The following ROBO1 variants were observed in gnomAD, a reference collection of about 807,000 sequenced individuals.
The protein encoded by ROBO1 is roundabout guidance receptor 1.
In ROBO1, 149 loss-of-function variants were observed where a neutral mutation model predicts 195.9. The observed-to-expected ratio is 0.76, with a 90% confidence interval of 0.67 to 0.87. The LOEUF is 0.87. Among genes scored for constraint, ROBO1 ranks in the 40% least tolerant of loss-of-function variants. The pLI is 0.00. For synonymous variants in ROBO1, 816 were observed against 733.2 expected (o/e 1.11, Z -1.82); for missense variants, 1,933 against 2,068.3 (o/e 0.93, Z 1.27).
intron 5 of ROBO1, among the ~76,000 whole-genome samples, chr3:78,719,645 C>A (rs957018769): frequency 6.6e-6 from 1 of 152,054 alleles, no homozygotes; most frequent in African/African-American, 2.4e-5. Flanking sequence ...TTTAAATGTT[C>A]AAGAAATTTT....
chr3:78,778,135 T>C (rs2083561944), intron 4 of ROBO1, among the ~76,000 whole-genome samples: 1 of 152,208 alleles, frequency 6.6e-6, no homozygotes. Context: ...ATGGATTATA[T>C]TTATTGATTT....
At chr3:79,543,381 G>C (rs1942148253) in intron 2 of ROBO1, among the ~76,000 whole-genome samples, 3 of 151,786 alleles carry the variant, frequency 2.0e-5, no homozygotes, top group Non-Finnish European at 4.4e-5. Context: ...AAGTTGATTT[G>C]TGTTGCCTTG....
intron 4 of ROBO1, among the ~76,000 whole-genome samples, chr3:78,905,904 G>A (rs575258686): frequency 4.6e-4 from 70 of 152,128 alleles, no homozygotes; most frequent in African/African-American, 1.5e-3. Flanking sequence ...ATCTAAGTAC[G>A]TCTGACTTTA....
At chr3:78,668,455 C>G in intron 12 of ROBO1, 29 bp downstream of exon 12, 3 of 1,612,072 alleles carry the variant, frequency 1.9e-6, no homozygotes, top group Non-Finnish European at 2.5e-6. Context: ...TTAAGCTTCA[C>G]TTTAAGGGAA....
At chr3:78,685,429 G>A (rs942516798) in intron 10 of ROBO1, among the ~76,000 whole-genome samples, 1 of 151,220 alleles carries the variant, frequency 6.6e-6, no homozygotes, top group African/African-American at 2.4e-5. Flanking sequence ...AGAAGAGATG[G>A]CAATTTACAC....
chr3:79,620,937 G>T (rs552148832), intron 1 of ROBO1, among the ~76,000 whole-genome samples: 1 of 152,158 alleles, frequency 6.6e-6, no homozygotes, highest in South Asian at 2.1e-4. Flanking sequence ...CTTACAGGCT[G>T]GTCCAGGATC....
At chr3:78,947,920 T>C (rs530965258) in intron 3 of ROBO1, among the ~76,000 whole-genome samples, 2 of 152,132 alleles carry the variant, frequency 1.3e-5, no homozygotes, top group African/African-American at 4.8e-5. Flanking sequence ...CTAGAAAATC[T>C]AGAAGAAATG....
At chr3:79,040,482 C>T (rs529225598) in intron 3 of ROBO1, among the ~76,000 whole-genome samples, 2 of 152,258 alleles carry the variant, frequency 1.3e-5, no homozygotes, top group African/African-American at 4.8e-5. Flanking sequence ...AAATTGCCTA[C>T]TCATTTAATG....
intron 3 of ROBO1, among the ~76,000 whole-genome samples, chr3:79,055,053 C>A (rs981686670): frequency 1.3e-5 from 2 of 152,100 alleles, no homozygotes; most frequent in African/African-American, 4.8e-5. Context: ...TAATTCTTTG[C>A]CTTTAATTTT....
intron 2 of ROBO1, among the ~76,000 whole-genome samples, chr3:79,405,526 G>A (rs1312521315): frequency 1.3e-5 from 2 of 152,132 alleles, no homozygotes; most frequent in Non-Finnish European, 2.9e-5. Flanking sequence ...CTGTATTTTA[G>A]TGTATCTTGG....
chr3:78,788,181 T>C (rs905941154), intron 4 of ROBO1, among the ~76,000 whole-genome samples: 3 of 151,146 alleles, frequency 2.0e-5, no homozygotes, highest in Admixed American at 1.3e-4. Flanking sequence ...AGTGGGGCAA[T>C]CTTAGCTCAC....
At chr3:79,738,689 A>G (rs2107404897) in intron 1 of ROBO1, among the ~76,000 whole-genome samples, 1 of 152,310 alleles carries the variant, frequency 6.6e-6, no homozygotes, top group South Asian at 2.1e-4. Context: ...CAAAGTAAAT[A>G]TGACTTGATA....
chr3:79,015,702 C>G (rs769037962), intron 3 of ROBO1, among the ~76,000 whole-genome samples: 2 of 152,080 alleles, frequency 1.3e-5, no homozygotes, highest in Non-Finnish European at 2.9e-5. Flanking sequence ...GAAGGAATAA[C>G]CACTTTTTAT....
intron 4 of ROBO1, among the ~76,000 whole-genome samples, chr3:78,905,173 G>T (rs2037826568): frequency 6.6e-6 from 1 of 151,996 alleles, no homozygotes; most frequent in African/African-American, 2.4e-5. Context: ...ATTATTAATT[G>T]AACTGCCTGG....
intron 5 of ROBO1, among the ~76,000 whole-genome samples, chr3:78,738,175 G>A (rs775165623): frequency 1.3e-4 from 20 of 152,128 alleles, no homozygotes; most frequent in Non-Finnish European, 5.9e-5. Context: ...GGAGTGGGCT[G>A]AATGCCAAAT....
At chr3:78,627,820 C>G (rs561864677) in intron 25 of ROBO1, among the ~76,000 whole-genome samples, 4 of 152,266 alleles carry the variant, frequency 2.6e-5, no homozygotes, top group African/African-American at 9.6e-5. Context: ...AAAAAATTCA[C>G]TTAACATGGC....
chr3:79,298,443 T>A (rs918986794), intron 2 of ROBO1, among the ~76,000 whole-genome samples: 15 of 152,130 alleles, frequency 9.9e-5, no homozygotes, highest in African/African-American at 3.1e-4. Context: ...GTTTAAGAAG[T>A]CAGATTTTTT....
intron 2 of ROBO1, among the ~76,000 whole-genome samples, chr3:79,176,729 G>T (rs1054475997): frequency 1.3e-5 from 2 of 152,226 alleles, no homozygotes; most frequent in Admixed American, 1.3e-4. Context: ...CAAAGGGCTG[G>T]GGTTAGAGGT....
At chr3:79,371,311 C>G (rs1286724683) in intron 2 of ROBO1, among the ~76,000 whole-genome samples, 2 of 151,998 alleles carry the variant, frequency 1.3e-5, no homozygotes, top group East Asian at 3.9e-4. Flanking sequence ...ATCAACCTGC[C>G]AGATATAGCT....
Sources: gnomAD v4.1 joint callset for allele counts (sites outside exome capture counted in the v4.1 genomes callset) on GRCh38, gnomAD v4.1.1 for gene constraint, MANE v1.5 for transcripts, NCBI Gene and HGNC (gene_info 2026-07-23, HGNC 2026-07-21) for gene names.